The following BCAR3 variants were observed in gnomAD, a reference collection of about 807,000 sequenced individuals.
BCAR3 encodes the protein breast cancer anti-estrogen resistance protein 3.
A neutral mutation model predicts 80.1 loss-of-function variants in BCAR3; 37 were observed. The ratio of observed to expected loss-of-function variants is 0.46; its 90% CI spans 0.36 to 0.61. The LOEUF is 0.61. Among genes scored for constraint, BCAR3 ranks in the 20% least tolerant of loss-of-function variants. The pLI is 0.00. For synonymous variants in BCAR3, 389 were observed against 418.9 expected (o/e 0.93, Z 0.87); for missense variants, 978 against 1,068.2 (o/e 0.92, Z 1.18).
intron 2 of BCAR3, among the ~76,000 whole-genome samples, chr1:93,812,008 C>T (rs539012899): frequency 6.6e-6 from 1 of 152,320 alleles, no homozygotes; most frequent in African/African-American, 2.4e-5. Context: ...TCCATCTGCC[C>T]ACTTGCTGCT....
At chr1:93,682,466 G>A (rs548834394), upstream of BCAR3, among the ~76,000 whole-genome samples, 1 of 152,230 alleles carries the variant, frequency 6.6e-6, no homozygotes, top group African/African-American at 2.4e-5. Context: ...GTCAGGTGCT[G>A]CTGTGCTGTA....
intron 2 of BCAR3, among the ~76,000 whole-genome samples, chr1:93,765,415 G>T (rs530675630): frequency 6.6e-6 from 1 of 152,152 alleles, no homozygotes; most frequent in Non-Finnish European, 1.5e-5. Flanking sequence ...GTGGGACCTG[G>T]GGCCATCTCT....
At chr1:93,739,456 G>T (rs1571086237) in intron 2 of BCAR3, among the ~76,000 whole-genome samples, 1 of 152,262 alleles carries the variant, frequency 6.6e-6, no homozygotes, top group East Asian at 1.9e-4. Flanking sequence ...TTTTAATACA[G>T]TATTAAAATA....
intron 6 of BCAR3, 84 bp from the exon 7 acceptor site, chr1:93,583,037 C>A: frequency 7.0e-7 from 1 of 1,426,976 alleles, no homozygotes. Flanking sequence ...AGCTCCCCAG[C>A]CCTCCATTCA....
chr1:93,733,591 A>G (rs1300595587), intron 2 of BCAR3, among the ~76,000 whole-genome samples: 3 of 152,212 alleles, frequency 2.0e-5, no homozygotes, highest in African/African-American at 7.2e-5. Flanking sequence ...CCCCAGACAA[A>G]AGGCACAGTG....
At chr1:93,826,263 C>G (rs528232127) in intron 2 of BCAR3, among the ~76,000 whole-genome samples, 1 of 152,116 alleles carries the variant, frequency 6.6e-6, no homozygotes, top group Non-Finnish European at 1.5e-5. Context: ...CTGAAAACAC[C>G]AGGCCCACCA....
At chr1:93,568,875 T>TG (rs1388038543) in intron 9 of BCAR3, among the ~76,000 whole-genome samples, 2 of 152,206 alleles carry the variant, frequency 1.3e-5, no homozygotes, top group African/African-American at 4.8e-5. Context: ...CAGGCTGGGG[T>TG]GCAGTGGTGC....
chr1:93,813,048 T>A (rs1221153717), intron 2 of BCAR3, among the ~76,000 whole-genome samples: 2 of 152,104 alleles, frequency 1.3e-5, no homozygotes, highest in African/African-American at 4.8e-5. Flanking sequence ...AAGCTGTAGG[T>A]GGTGGTTCCA....
chr1:93,839,153 C>T (rs142074076), intron 2 of BCAR3, among the ~76,000 whole-genome samples: 242 of 152,206 alleles, frequency 1.6e-3, no homozygotes, highest in African/African-American at 5.5e-3. Context: ...ATTAGCTGGG[C>T]GTGGTGGCAT....
chr1:93,730,746 C>T (rs1650756522), intron 2 of BCAR3, among the ~76,000 whole-genome samples: 1 of 152,206 alleles, frequency 6.6e-6, no homozygotes, highest in Admixed American at 6.5e-5. Context: ...TGTCTGGGAT[C>T]TCCCCTACAG....
intron 2 of BCAR3, among the ~76,000 whole-genome samples, chr1:93,671,467 C>A (rs150952540): frequency 2.0e-5 from 3 of 152,130 alleles, no homozygotes; most frequent in African/African-American, 7.2e-5. Flanking sequence ...TGCCAATACC[C>A]GTCAGGCCAA....
intron 2 of BCAR3, among the ~76,000 whole-genome samples, chr1:93,780,227 CT>C (rs1313258537): frequency 2.2e-4 from 33 of 152,224 alleles, no homozygotes; most frequent in African/African-American, 7.7e-4. Flanking sequence ...CCTAGCTCCC[CT>C]GATACTTTGC....
At chr1:93,743,913 G>A (rs1651264503) in intron 2 of BCAR3, among the ~76,000 whole-genome samples, 1 of 152,172 alleles carries the variant, frequency 6.6e-6, no homozygotes, top group South Asian at 2.1e-4. Context: ...ATGATATCAC[G>A]ATGTCACATA....
chr1:93,637,653 C>T (rs17110193), intron 3 of BCAR3, among the ~76,000 whole-genome samples: 4,992 of 152,178 alleles, frequency 0.033, 265 homozygotes, highest in African/African-American at 0.11. Context: ...AACTTCCACT[C>T]TTCTGGGAAC....
At chr1:93,835,259 C>G (rs1205709100) in intron 2 of BCAR3, among the ~76,000 whole-genome samples, 1 of 152,170 alleles carries the variant, frequency 6.6e-6, no homozygotes, top group Non-Finnish European at 1.5e-5. Context: ...AATAAAAACT[C>G]TTCTCAAGGC....
At chr1:93,703,566 T>TAAA (rs1439567076) in intron 3 of BCAR3, among the ~76,000 whole-genome samples, 16 of 45,638 alleles carry the variant, frequency 3.5e-4, no homozygotes, top group African/African-American at 5.2e-4. Context: ...CCCTGTCTCT[T>TAAA]AAAAAGAAAA....
chr1:93,577,714 C>T (rs370041302), intron 7 of BCAR3, among the ~76,000 whole-genome samples: 1 of 152,200 alleles, frequency 6.6e-6, no homozygotes, highest in Admixed American at 6.5e-5. Flanking sequence ...CACGCTTCCT[C>T]GCATATTTAG....
rs1166383450 is a variant in BCAR3, at chr1:93,561,785, C to T, written c.*456G>A. On this transcript the variant is annotated 3_prime_UTR_variant, in exon 12 of 12. Coordinates refer to ENST00000260502, the MANE Select transcript of BCAR3 (RefSeq NM_003567.4). ...TGTTTAATATGAAAGAGACTGGATA[C>T]AACTGTTTCACAAAAAGATGTATTT... 1 of 152,952 alleles carries T rather than the reference C, an allele frequency of 6.5e-6. No individual in the cohort carries two copies. The highest frequency in any genetic ancestry group is 1.5e-5 in the Non-Finnish European group (1 of 68,320). 9.5% of individuals were successfully genotyped at this position (152,952 alleles called of 1,614,324 possible). A position where few individuals can be genotyped will look rare whatever the true frequency, so the allele number is the denominator to read the frequency against.
intron 2 of BCAR3, among the ~76,000 whole-genome samples, chr1:93,761,487 C>T (rs1203187320): frequency 6.6e-6 from 1 of 152,184 alleles, no homozygotes; most frequent in African/African-American, 2.4e-5. Flanking sequence ...CCACCCTGGA[C>T]CTGCTGAAAC....
Sources: gnomAD v4.1 joint callset for allele counts (sites outside exome capture counted in the v4.1 genomes callset) on GRCh38, gnomAD v4.1.1 for gene constraint, MANE v1.5 for transcripts, NCBI Gene and HGNC (gene_info 2026-07-23, HGNC 2026-07-21) for gene names.